The following FERMT3 variants were observed in gnomAD, a reference collection of about 807,000 sequenced individuals.
FERMT3 encodes FERM domain containing kindlin 3, also known as fermitin family homolog 3.
Under a neutral mutation model 80.8 loss-of-function variants are expected in FERMT3, and 33 were observed. The observed-to-expected ratio is 0.41, with a 90% CI of 0.31 to 0.55. The LOEUF is 0.55. FERMT3 is among the 20% of genes least tolerant of loss of function. The probability of loss-of-function intolerance (pLI) is 0.31; values close to 1 mark genes in which losing one functional copy is unlikely to be tolerated. For missense variants in FERMT3, 754 were observed against 908.7 expected, an observed-to-expected ratio of 0.83 and a Z score of 2.19; for synonymous variants, 375 against 372.2, an observed-to-expected ratio of 1.01 and a Z score of -0.09.
chr11:64,207,135 G>A (rs1032630671), intron 1 of FERMT3, among the ~76,000 whole-genome samples: 8 of 152,186 alleles, frequency 5.3e-5, no homozygotes, highest in African/African-American at 1.9e-4. Flanking sequence ...GGAGCGGATT[G>A]GACTACATGG....
Position 64,221,118 on chromosome 11 carries a change from G to A in FERMT3, c.1648G>A (p.Gly550Ser), listed in dbSNP as rs1335009112. ...GGCCTGGCAGTCCCTGCCCGACTTC[G>A]GCATCTCCTATGTCATGGTCAGGTA... The part of the protein sequence containing the change: ...IQAWQSLPDF[G>S]ISYVMVRFKG... Residue 550 changes from glycine to serine, a missense_variant, in exon 13 of 15, where the codon GGC (glycine) becomes AGC (serine). Physicochemically the swap from Gly to Ser is moderately conservative, Grantham distance 56. Transcript: ENST00000345728. The A allele has an allele frequency of 3.1e-6, 5 of 1,610,448 alleles. No individual in the cohort carries two copies. Among genetic ancestry groups the A allele is most frequent in the African/African-American group, 2.7e-5 (2 of 75,052 alleles).
chr11:64,215,906 A>C (rs373402649), intron 6 of FERMT3, among the ~76,000 whole-genome samples: 84 of 150,154 alleles, frequency 5.6e-4, no homozygotes, highest in Admixed American at 2.7e-3. Flanking sequence ...ATCTCGGCTT[A>C]CTGCAACCTC....
At chr11:64,217,869 C>T (rs1417234561) in intron 6 of FERMT3, among the ~76,000 whole-genome samples, 2 of 152,254 alleles carry the variant, frequency 1.3e-5, no homozygotes, top group East Asian at 1.9e-4. Context: ...GATTGCTTTC[C>T]GCCTATTTTC....
In FERMT3 at chr11:64,223,506, GC is replaced by G; in HGVS notation, c.*18del. The G allele has an allele frequency of 6.3e-7, 1 of 1,576,022 alleles. No individual in the cohort carries two copies. On this transcript the variant is annotated 3_prime_UTR_variant, in exon 15 of 15. Transcript: ENST00000345728. ...GAGGCCTTCTGAGGGCTGTCTGATT[GC>G]CCCTGCCCTGCTCACCACCCTGTCA...
rs766409625 is a variant in FERMT3 at position 64,211,374 on chromosome 11, C to T, written c.614C>T (p.Pro205Leu). 6.2e-7 allele frequency: 1 copy of T among 1,609,538 alleles called. No homozygotes were observed. Among genetic ancestry groups the T allele is most frequent in the East Asian group, 2.2e-5 (1 of 44,718 alleles). ...ATGCTGAGCCGGCCCCAGCCGCCAC[C>T]CGACCCCCTCCTGCTCCAGCGTCTG... The part of the protein sequence containing the change: ...YHMLSRPQPP[P>L]DPLLLQRLPR... The change falls in exon 5 of 15, where the codon CCC becomes CTC. Residue 205 changes from proline to leucine, a missense_variant. Coordinates refer to ENST00000345728, the MANE Select transcript of FERMT3 (RefSeq NM_031471.6). This position sits in a 1 kb window ranked among gnomAD's most constrained non-coding sequence, Gnocchi z 4.7.
rs766237163 is a variant in FERMT3, at chr11:64,219,814, G to T, written c.1079+25G>T. 1.9e-6 allele frequency: 3 copies of T among 1,614,066 alleles called. No homozygotes were observed. The South Asian group carries it at 3.3e-5, about 18-fold the overall frequency. Reference sequence around the variant, plus strand: ...GGTGAGTTGGGGGCCAGAGTAGGCAGCCCTGCTGGAGGGGTTGGTCTGCAT... The same window carrying T: ...GGTGAGTTGGGGGCCAGAGTAGGCATCCCTGCTGGAGGGGTTGGTCTGCAT... On this transcript the variant is annotated intron_variant, in intron 9 of 14. Coordinates refer to ENST00000345728, the MANE Select transcript of FERMT3 (RefSeq NM_031471.6). The surrounding 1 kb of genome is among the most constrained non-coding windows in gnomAD (Gnocchi z 4.0).
chr11:64,223,622 T>A lies in FERMT3; in HGVS notation c.*130T>A. On this transcript the variant is annotated 3_prime_UTR_variant, in exon 15 of 15. Transcript: ENST00000345728. ...AGCTGGGCATTTCACCTGCTGTCAC[T>A]GACTTTGTGCAGGCCAAGGACCTGG... 1 of 1,169,560 alleles carries A rather than the reference T, an allele frequency of 8.6e-7. No individual in the cohort carries two copies. Among genetic ancestry groups the A allele is most frequent in the Non-Finnish European group, 1.2e-6 (1 of 817,528 alleles). The allele number at this position is 1,169,560 out of a possible 1,614,324, so 72.4% of individuals were successfully genotyped here. A position where few individuals can be genotyped will look rare whatever the true frequency, so the allele number is the denominator to read the frequency against.
rs1283030837 is a variant in FERMT3 at position 64,211,700 on chromosome 11, C to G, written c.739C>G (p.Leu247Val). Residue 247 changes from leucine (L) to valine (V), a missense_variant, in exon 6 of 15, where the codon CTC (leucine) becomes GTC (valine). Leu to Val is a conservative substitution (Grantham distance 32, BLOSUM62 1). Coordinates refer to ENST00000345728, the MANE Select transcript of FERMT3 (RefSeq NM_031471.6). This position sits in a 1 kb window ranked among gnomAD's most constrained non-coding sequence, Gnocchi z 4.7. ...GCAGGGCATCAAGGCCGGGGACGCA[C>G]TCTGGCTGCGCTTCAAGTACTACAG... Reference protein sequence around the residue: ...MQQGIKAGDALWLRFKYYSFF... With the variant: ...MQQGIKAGDAVWLRFKYYSFF... The G allele has an allele frequency of 1.9e-6, 3 of 1,614,204 alleles. No individual in the cohort carries two copies. Among genetic ancestry groups the G allele is most frequent in the Non-Finnish European group, 2.5e-6 (3 of 1,180,040 alleles).
chr11:64,212,196 C>T (rs1946457549), intron 6 of FERMT3, among the ~76,000 whole-genome samples: 1 of 152,216 alleles, frequency 6.6e-6, no homozygotes, highest in South Asian at 2.1e-4. Context: ...AGGGTGGCCC[C>T]TCTGTGCCCT....
At chr11:64,220,831 C>T in intron 12 of FERMT3, 162 bp downstream of exon 12, 1 of 1,311,564 alleles carries the variant, frequency 7.6e-7, no homozygotes, top group Non-Finnish European at 1.1e-6. Context: ...TGGGAGGAGT[C>T]ACGGTCCAGG....
At chr11:64,217,644 A>G (rs1172602206) in intron 6 of FERMT3, among the ~76,000 whole-genome samples, 1 of 152,144 alleles carries the variant, frequency 6.6e-6, no homozygotes, top group Admixed American at 6.6e-5. Context: ...CTGGCTCAGC[A>G]TCTCCAGAGA....
At position 64,219,067 on chromosome 11, in the gene FERMT3, A is replaced by G. The variant is rs909281203; in HGVS notation, c.787-184A>G. ...GTTTAGACGTGCAGGCCTGGGCAGCAGGGGGCTAGCAGGCTATTAAGGATG... is the reference window on the plus strand; with the variant it reads ...GTTTAGACGTGCAGGCCTGGGCAGCGGGGGGCTAGCAGGCTATTAAGGATG... On this transcript the variant is annotated intron_variant, in intron 6 of 14. Coordinates refer to ENST00000345728, the MANE Select transcript of FERMT3 (RefSeq NM_031471.6). This position sits in a 1 kb window ranked among gnomAD's most constrained non-coding sequence, Gnocchi z 4.0. Among the ~76,000 whole-genome samples the G allele has an allele frequency of 1.3e-5, 2 of 152,204 alleles. No individual in the cohort carries two copies. The highest frequency in any genetic ancestry group is 2.9e-5 in the Non-Finnish European group (2 of 68,024).
chr11:64,220,590 G>A lies in FERMT3; in HGVS notation c.1466G>A (p.Gly489Asp). The change falls in exon 12 of 15, where the codon GGC (glycine) becomes GAC (aspartate). Residue 489 changes from glycine (G) to aspartate (D), a missense_variant. By Grantham distance (94) the Gly-to-Asp change is moderately conservative (BLOSUM62 -1). Coordinates refer to ENST00000345728, the MANE Select transcript of FERMT3 (RefSeq NM_031471.6). ...GSGGPGNHPH[G>D]PDASAEGLNP... ...GGGGGCCCGGGCAACCACCCCCACG[G>A]CCCTGATGCCTCTGCCGAGGGCCTC... 3.1e-6 allele frequency: 5 copies of A among 1,609,902 alleles called. No homozygotes were observed. The East Asian group carries it at 6.7e-5, about 22-fold the overall frequency.
chr11:64,220,654 G>T lies in FERMT3; in HGVS notation c.1530G>T (p.Lys510Asn), dbSNP rs1165979886. The change falls in exon 12 of 15, where the codon AAG (lysine) becomes AAT (asparagine). Residue 510 changes from lysine to asparagine, a missense_variant. Lys to Asn is a moderately conservative substitution (Grantham distance 94, BLOSUM62 0). Coordinates refer to ENST00000345728, the MANE Select transcript of FERMT3 (RefSeq NM_031471.6). ...TCGTTGCCCCCCGTTTCCAGCGAAA[G>T]TTCAAGGCCAAGCAGGTACCAGAAG... ...YGLVAPRFQR[K>N]FKAKQLTPRI... 6.2e-7 allele frequency: 1 copy of T among 1,611,304 alleles called. No homozygotes were observed. Among genetic ancestry groups the T allele is most frequent in the Admixed American group, 1.7e-5 (1 of 59,732 alleles).
intron 1 of FERMT3, 73 bp from the exon 2 acceptor site, chr11:64,207,276 TCA>T (rs1336049654): frequency 3.0e-5 from 47 of 1,574,358 alleles, no homozygotes; most frequent in Non-Finnish European, 3.8e-5. Flanking sequence ...GTCCAGGGCA[TCA>T]CAGAGCTCTT....
intron 6 of FERMT3, among the ~76,000 whole-genome samples, chr11:64,218,677 G>T (rs1288785502): frequency 6.6e-6 from 1 of 152,196 alleles, no homozygotes; most frequent in Non-Finnish European, 1.5e-5. Flanking sequence ...CGGGATTGTT[G>T]GTCTTCTGTG....
At chr11:64,220,749 C>A in intron 12 of FERMT3, 80 bp downstream of exon 12, 1 of 1,387,126 alleles carries the variant, frequency 7.2e-7, no homozygotes, top group Non-Finnish European at 1.0e-6. Context: ...CAGAGCCTTC[C>A]TCAGGAAAGC....
Position 64,211,393 on chromosome 11 carries a change from G to A in FERMT3, c.633G>A (p.Gln211=), listed in dbSNP as rs758577914. The A allele has an allele frequency of 1.2e-6, 2 of 1,606,344 alleles. No homozygotes were observed. Among genetic ancestry groups the A allele is most frequent in the East Asian group, 2.2e-5 (1 of 44,552 alleles). Residue 211 remains glutamine, a synonymous_variant, in exon 5 of 15, where the codon CAG becomes CAA. Coordinates refer to ENST00000345728, the MANE Select transcript of FERMT3 (RefSeq NM_031471.6). This position sits in a 1 kb window ranked among gnomAD's most constrained non-coding sequence, Gnocchi z 4.7. The part of the protein sequence containing the change: ...PQPPPDPLLL[Q]RLPRPSSLSD... ...CGCCACCCGACCCCCTCCTGCTCCA[G>A]CGTCTGCCACGGCCCAGCTCCCTGT...
At chr11:64,207,623 T>TAATGGTGTC in intron 2 of FERMT3, 99 bp downstream of exon 2, 1 of 1,422,220 alleles carries the variant, frequency 7.0e-7, no homozygotes, top group Non-Finnish European at 9.5e-7. Flanking sequence ...CAGCTCCCGA[T>TAATGGTGTC]AATGGTGTCA....
Sources: allele counts gnomAD v4.1 joint callset (sites outside exome capture counted in the v4.1 genomes callset), GRCh38; gene constraint gnomAD v4.1.1; non-coding constraint Gnocchi (gnomAD v3.1); transcripts MANE v1.5; gene names NCBI Gene and HGNC (gene_info 2026-07-23, HGNC 2026-07-21).